Variants in INPP4B observed in about 807,000 individuals in gnomAD.
The protein encoded by INPP4B is inositol polyphosphate 4-phosphatase type II.
A neutral mutation model predicts 122.5 loss-of-function variants in INPP4B; 55 were observed. The observed-to-expected ratio is 0.45, with a 90% confidence interval of 0.36 to 0.56. The LOEUF (loss-of-function observed/expected upper bound fraction) is 0.56. Ranked by LOEUF, INPP4B falls within the 20% of genes least tolerant of loss-of-function variation. INPP4B has a pLI of 0.00. For synonymous variants in INPP4B, 403 were observed against 388.7 expected, an observed-to-expected ratio of 1.04 and a Z score of -0.43; for missense variants, 1,000 against 1,097.7, an observed-to-expected ratio of 0.91 and a Z score of 1.26.
intron 2 of INPP4B, among the ~76,000 whole-genome samples, chr4:142,534,070 A>T (rs1035270300): frequency 5.9e-5 from 9 of 152,308 alleles, no homozygotes; most frequent in Admixed American, 5.9e-4. Context: ...AATTTTAGAG[A>T]CATGGATCAG....
At chr4:142,217,627 A>G (rs1373060256) in intron 12 of INPP4B, among the ~76,000 whole-genome samples, 2 of 152,144 alleles carry the variant, frequency 1.3e-5, no homozygotes, top group Non-Finnish European at 1.5e-5. Flanking sequence ...GGCATTTCCT[A>G]TTGTGATGGT....
At chr4:142,131,845 C>T (rs1406510170) in intron 18 of INPP4B, among the ~76,000 whole-genome samples, 1 of 152,084 alleles carries the variant, frequency 6.6e-6, no homozygotes, top group Non-Finnish European at 1.5e-5. Context: ...ATCCCAGCTA[C>T]TCAGGAGGCT....
chr4:142,757,210 T>G (rs896184603), intron 1 of INPP4B, among the ~76,000 whole-genome samples: 2 of 152,068 alleles, frequency 1.3e-5, no homozygotes, highest in Admixed American at 6.6e-5. Flanking sequence ...CCTGATATTA[T>G]CAACAGTCCA....
chr4:142,221,718 T>C (rs1256789546), intron 12 of INPP4B, among the ~76,000 whole-genome samples: 1 of 152,222 alleles, frequency 6.6e-6, no homozygotes, highest in Non-Finnish European at 1.5e-5. Flanking sequence ...AAATGTTCTA[T>C]ATCTGTGCTA....
intron 12 of INPP4B, among the ~76,000 whole-genome samples, chr4:142,209,419 C>T (rs1353724987): frequency 6.6e-6 from 1 of 152,066 alleles, no homozygotes; most frequent in Non-Finnish European, 1.5e-5. Context: ...GAAAGGGCTA[C>T]CTGACCATGT....
chr4:142,785,259 A>G (rs1046499734), intron 1 of INPP4B, among the ~76,000 whole-genome samples: 57 of 152,168 alleles, frequency 3.7e-4, no homozygotes, highest in African/African-American at 1.3e-3. Context: ...ACTATTATCC[A>G]ATACATCATG....
At chr4:142,097,552 T>C (rs1782510623) in intron 23 of INPP4B, among the ~76,000 whole-genome samples, 2 of 152,046 alleles carry the variant, frequency 1.3e-5, no homozygotes, top group Non-Finnish European at 2.9e-5. Context: ...CCACCATGCC[T>C]GGCCTGATTT....
intron 1 of INPP4B, among the ~76,000 whole-genome samples, chr4:142,796,012 G>A (rs936437900): frequency 5.3e-5 from 8 of 151,722 alleles, no homozygotes; most frequent in African/African-American, 9.7e-5. Flanking sequence ...ATCCTTCCAC[G>A]TTCATTGCAT....
intron 2 of INPP4B, among the ~76,000 whole-genome samples, chr4:142,469,669 C>T (rs1160306536): frequency 6.6e-6 from 1 of 152,056 alleles, no homozygotes; most frequent in Non-Finnish European, 1.5e-5. Flanking sequence ...ACATGGGTAT[C>T]CCAGAAACAT....
At chr4:142,294,850 A>AAAAAAAAAAAAAAAAAAAAAAAAAAAC (rs1757956972) in intron 9 of INPP4B, among the ~76,000 whole-genome samples, 1 of 147,698 alleles carries the variant, frequency 6.8e-6, no homozygotes, top group Non-Finnish European at 1.5e-5. Flanking sequence ...AAAAAAAAAA[A>AAAAAAAAAAAAAAAAAAAAAAAAAAAC]AAAAAAGGCA....
At chr4:142,283,913 G>A (rs1296198595) in intron 9 of INPP4B, among the ~76,000 whole-genome samples, 1 of 152,076 alleles carries the variant, frequency 6.6e-6, no homozygotes, top group Non-Finnish European at 1.5e-5. Context: ...GGAGCAACCA[G>A]CAAAAGAAAC....
chr4:142,340,771 A>G (rs1042820772), intron 7 of INPP4B, among the ~76,000 whole-genome samples: 1 of 152,042 alleles, frequency 6.6e-6, no homozygotes, highest in Non-Finnish European at 1.5e-5. Flanking sequence ...CTTCCCCTCT[A>G]TGGGTAATCA....
chr4:142,842,806 A>G (rs1783700309), intron 1 of INPP4B, among the ~76,000 whole-genome samples: 4 of 133,810 alleles, frequency 3.0e-5, no homozygotes, highest in Non-Finnish European at 6.2e-5. Flanking sequence ...AATTATATAT[A>G]AATATGTATG....
chr4:142,846,488 C>G (rs115966264), upstream of INPP4B, among the ~76,000 whole-genome samples: 6,949 of 152,212 alleles, frequency 0.046, 536 homozygotes, highest in African/African-American at 0.16. This position sits in a 1 kb window ranked among gnomAD's most constrained non-coding sequence, Gnocchi z 5.1. Context: ...CTACCAGCCC[C>G]GCGCGCGCCC....
intron 5 of INPP4B, among the ~76,000 whole-genome samples, chr4:142,422,404 G>T (rs971767341): frequency 3.9e-5 from 6 of 152,042 alleles, no homozygotes; most frequent in Non-Finnish European, 5.9e-5. Context: ...AATGGTAGTT[G>T]TTGCTGTGTC....
chr4:142,114,961 CT>C (rs1792304406), intron 21 of INPP4B, among the ~76,000 whole-genome samples: 1 of 151,856 alleles, frequency 6.6e-6, no homozygotes, highest in Non-Finnish European at 1.5e-5. Flanking sequence ...TAGAGAAGAC[CT>C]TAAATGACCT....
chr4:142,438,578 A>G (rs952346598), intron 3 of INPP4B, among the ~76,000 whole-genome samples: 1 of 152,240 alleles, frequency 6.6e-6, no homozygotes, highest in African/African-American at 2.4e-5. Flanking sequence ...GTTAAATGTA[A>G]AACCTGAAAC....
At chr4:142,692,224 C>T (rs191579543) in intron 2 of INPP4B, among the ~76,000 whole-genome samples, 1 of 152,166 alleles carries the variant, frequency 6.6e-6, no homozygotes, top group African/African-American at 2.4e-5. Flanking sequence ...CCTTCACTCA[C>T]CTGCTTTATT....
chr4:142,668,335 A>G (rs1357147548), intron 2 of INPP4B, among the ~76,000 whole-genome samples: 1 of 152,206 alleles, frequency 6.6e-6, no homozygotes, highest in East Asian at 1.9e-4. Flanking sequence ...CAAATTAGGT[A>G]TAAAAGGAAT....
Sources: allele counts gnomAD v4.1 joint callset (sites outside exome capture counted in the v4.1 genomes callset), GRCh38; gene constraint gnomAD v4.1.1; non-coding constraint Gnocchi (gnomAD v3.1); transcripts MANE v1.5; gene names NCBI Gene and HGNC (gene_info 2026-07-23, HGNC 2026-07-21).